The following HACD3 variants were observed in gnomAD, a reference collection of about 807,000 sequenced individuals.
The protein encoded by HACD3 is very-long-chain (3R)-3-hydroxyacyl-CoA dehydratase 3.
HACD3 carries 30 observed loss-of-function variants against 55.2 expected under a neutral mutation model. The observed-to-expected ratio is 0.54, with a 90% CI of 0.41 to 0.74. The LOEUF is 0.74. Ranked by LOEUF, HACD3 falls within the 30% of genes least tolerant of loss-of-function variation. The pLI, the probability that HACD3 is intolerant of heterozygous loss-of-function variation, is 0.00. For synonymous variants in HACD3, 141 were observed against 151.7 expected, an observed-to-expected ratio of 0.93 and a Z score of 0.52; for missense variants, 363 against 440.1, an observed-to-expected ratio of 0.82 and a Z score of 1.57.
intron 1 of HACD3, among the ~76,000 whole-genome samples, chr15:65,536,478 G>A (rs1027716952): frequency 2.6e-5 from 4 of 152,138 alleles, no homozygotes; most frequent in African/African-American, 9.7e-5. Context: ...CCCTACAATG[G>A]GGTCGGGTGT....
At chr15:65,551,932 G>T in intron 2 of HACD3, 2 of 463,108 alleles carry the variant, frequency 4.3e-6, no homozygotes, top group East Asian at 3.6e-5. Context: ...AGAGGCAGTA[G>T]ATACAGTGAA....
At chr15:65,558,825 C>T (rs1596213828) in intron 5 of HACD3, 94 bp downstream of exon 5, 1 of 1,422,354 alleles carries the variant, frequency 7.0e-7, no homozygotes, top group Non-Finnish European at 9.7e-7. Context: ...CTAATGATTT[C>T]ATCCCGGTGA....
chr15:65,537,983 ATATATATATATATATATG>A (rs2071980830), intron 1 of HACD3, among the ~76,000 whole-genome samples: 2 of 108,316 alleles, frequency 1.8e-5, no homozygotes, highest in Admixed American at 9.4e-5. Flanking sequence ...ATATATATAT[ATATATATATATATATATG>A]TATATTCCTT....
intron 1 of HACD3, among the ~76,000 whole-genome samples, chr15:65,536,184 T>G (rs1375015120): frequency 6.6e-6 from 1 of 151,578 alleles, no homozygotes; most frequent in Non-Finnish European, 1.5e-5. Context: ...GCCCAGCTAG[T>G]TTTTGTATTT....
chr15:65,530,830 C>T, intron 1 of HACD3, 112 bp downstream of exon 1: 1 of 1,068,570 alleles, frequency 9.4e-7, no homozygotes, highest in Non-Finnish European at 1.3e-6. Context: ...AGTGCGCCAA[C>T]AAGGTCGGCG....
intron 1 of HACD3, among the ~76,000 whole-genome samples, chr15:65,550,216 C>T (rs1386870064): frequency 1.3e-5 from 2 of 151,990 alleles, no homozygotes; most frequent in African/African-American, 2.4e-5. Flanking sequence ...GGTGAAACCT[C>T]GTCTCTGCAA....
chr15:65,554,162 C>G (rs2072163543), intron 2 of HACD3, among the ~76,000 whole-genome samples: 1 of 152,194 alleles, frequency 6.6e-6, no homozygotes, highest in African/African-American at 2.4e-5. Flanking sequence ...CAAGATGATA[C>G]ACCCACCAAT....
intron 5 of HACD3, among the ~76,000 whole-genome samples, chr15:65,560,329 T>C (rs1010082751): frequency 1.4e-4 from 21 of 152,242 alleles, no homozygotes; most frequent in African/African-American, 5.1e-4. Context: ...TTCTTTACCC[T>C]ACTCCTTTGA....
chr15:65,550,469 C>G (rs1462957371), intron 1 of HACD3, among the ~76,000 whole-genome samples: 1 of 151,998 alleles, frequency 6.6e-6, no homozygotes, highest in Non-Finnish European at 1.5e-5. Context: ...GATAGAAAAC[C>G]TGGATAGCCC....
chr15:65,538,392 G>T lies in HACD3; in HGVS notation c.87+7674G>T, dbSNP rs1463610512. Among the ~76,000 whole-genome samples the T allele has an allele frequency of 2.0e-5, 3 of 152,310 alleles. No homozygotes were observed. The South Asian group carries it at 6.2e-4, about 32-fold the overall frequency. ...TGAGGGGTTCAAGACTTCAGTGGAGGTAGTAACTGCAGGTGTGGTAGAAAT... is the reference window on the plus strand; with the variant it reads ...TGAGGGGTTCAAGACTTCAGTGGAGTTAGTAACTGCAGGTGTGGTAGAAAT... On this transcript the variant is annotated intron_variant, in intron 1 of 10. Coordinates refer to ENST00000261875, the MANE Select transcript of HACD3 (RefSeq NM_016395.4).
At chr15:65,536,896 C>A (rs2141203305) in intron 1 of HACD3, among the ~76,000 whole-genome samples, 1 of 152,266 alleles carries the variant, frequency 6.6e-6, no homozygotes, top group South Asian at 2.1e-4. Context: ...AAAGCTAGGC[C>A]TCTTGCACCA....
intron 1 of HACD3, chr15:65,534,558 C>T (rs1428947285): frequency 6.6e-6 from 1 of 152,166 alleles, no homozygotes; most frequent in Non-Finnish European, 1.5e-5. Context: ...GGTTTATTTA[C>T]AAGGTGCTTG....
chr15:65,555,079 A>T, intron 3 of HACD3, 119 bp downstream of exon 3: 1 of 799,944 alleles, frequency 1.3e-6, no homozygotes. Context: ...GGAATAATAG[A>T]GTTCTTTTAT....
intron 1 of HACD3, chr15:65,531,540 G>C (rs933102001): frequency 8.8e-6 from 1 of 113,096 alleles, no homozygotes; most frequent in African/African-American, 2.9e-5. Context: ...ATTCTGGAAG[G>C]TTCTTTCTTT....
intron 4 of HACD3, among the ~76,000 whole-genome samples, chr15:65,557,404 GGCGGGGCTTGCCGTGA>G (rs1387588650): frequency 2.6e-5 from 4 of 152,070 alleles, no homozygotes; most frequent in African/African-American, 9.7e-5. Context: ...GAACTCGGGA[GGCGGGGCTTGCCGTGA>G]GCCGAGATCA....
At chr15:65,540,696 T>C (rs1038305521) in intron 1 of HACD3, among the ~76,000 whole-genome samples, 3 of 152,190 alleles carry the variant, frequency 2.0e-5, no homozygotes, top group Non-Finnish European at 4.4e-5. Context: ...CTTGTTGCCA[T>C]GGTAAGGAGC....
chr15:65,553,654 A>G (rs1252916743), intron 2 of HACD3, among the ~76,000 whole-genome samples: 1 of 152,260 alleles, frequency 6.6e-6, no homozygotes, highest in African/African-American at 2.4e-5. Context: ...ATACATTTAC[A>G]TGAAAATTAA....
intron 1 of HACD3, among the ~76,000 whole-genome samples, chr15:65,540,547 G>A (rs1347228138): frequency 6.6e-6 from 1 of 152,166 alleles, no homozygotes; most frequent in East Asian, 1.9e-4. Context: ...ATTCCAACAA[G>A]TCCACAGACT....
chr15:65,563,293 C>T (rs2072261226), intron 6 of HACD3, among the ~76,000 whole-genome samples: 1 of 152,086 alleles, frequency 6.6e-6, no homozygotes, highest in South Asian at 2.1e-4. Context: ...TATTCTAAAA[C>T]AGAATAAAAA....
Sources: allele counts gnomAD v4.1 joint callset (sites outside exome capture counted in the v4.1 genomes callset), GRCh38; gene constraint gnomAD v4.1.1; transcripts MANE v1.5; gene names NCBI Gene and HGNC (gene_info 2026-07-23, HGNC 2026-07-21).